The following NTM variants were observed in gnomAD, a reference collection of about 807,000 sequenced individuals.
NTM encodes IgLON family member 2.
Under a neutral mutation model 42.1 loss-of-function variants are expected in NTM, and 13 were observed. The observed-to-expected ratio is 0.31, with a 90% CI of 0.20 to 0.49. NTM has a LOEUF of 0.49. NTM is among the 20% of genes least tolerant of loss of function. The probability of loss-of-function intolerance (pLI) is 0.99; values close to 1 mark genes in which losing one functional copy is unlikely to be tolerated. For missense variants in NTM, 373 were observed against 452.8 expected (o/e 0.82, Z 1.60); for synonymous variants, 187 against 179.2 (o/e 1.04, Z -0.35).
intron 1 of NTM, among the ~76,000 whole-genome samples, chr11:131,373,140 G>A (rs1941450614): frequency 6.6e-6 from 1 of 152,160 alleles, no homozygotes; most frequent in African/African-American, 2.4e-5. Context: ...AGTCAGATGT[G>A]GCAAAGGTGA....
At chr11:131,658,029 G>A (rs2067426402) in intron 1 of NTM, among the ~76,000 whole-genome samples, 1 of 152,152 alleles carries the variant, frequency 6.6e-6, no homozygotes, top group Non-Finnish European at 1.5e-5. Context: ...TTGTAGATAA[G>A]GTTTGCAAAG....
chr11:131,436,130 A>T (rs1243322342), intron 1 of NTM, among the ~76,000 whole-genome samples: 1 of 152,196 alleles, frequency 6.6e-6, no homozygotes, highest in Non-Finnish European at 1.5e-5. Flanking sequence ...CATCCCAGGG[A>T]TGAAGCTGAA....
At chr11:132,215,169 G>A (rs139976293) in intron 4 of NTM, among the ~76,000 whole-genome samples, 5 of 152,238 alleles carry the variant, frequency 3.3e-5, no homozygotes, top group Non-Finnish European at 5.9e-5. Flanking sequence ...TCCAAAGAAA[G>A]AGCGCTGTTG....
At chr11:131,646,915 C>T (rs1030879810) in intron 1 of NTM, among the ~76,000 whole-genome samples, 26 of 152,330 alleles carry the variant, frequency 1.7e-4, no homozygotes, top group African/African-American at 6.3e-4. Flanking sequence ...GCCACATTCA[C>T]ACTATAAAGT....
At chr11:132,128,474 T>A (rs2066235017) in intron 2 of NTM, among the ~76,000 whole-genome samples, 1 of 152,098 alleles carries the variant, frequency 6.6e-6, no homozygotes, top group South Asian at 2.1e-4. Context: ...CATCCTCAGA[T>A]CTTTGTGGAC....
rs552537115 is a variant in NTM at position 132,115,340 on chromosome 11, C to T, written c.168-30942C>T. 7.9e-5 allele frequency among the ~76,000 whole-genome samples: 12 copies of T among 152,060 alleles called. No individual in the cohort carries two copies. In the East Asian group the frequency reaches 1.2e-3, roughly 15 times the overall value. On this transcript the variant is annotated intron_variant, in intron 2 of 8. Coordinates refer to ENST00000683400, the MANE Select transcript of NTM (RefSeq NM_001352005.2). ...AAAGAAAAAGAAAATGGTGAGGAGG[C>T]GAGGTGATAGACATGTTAATTAGCC...
chr11:131,548,773 G>C (rs191605204), intron 1 of NTM, among the ~76,000 whole-genome samples: 1 of 152,084 alleles, frequency 6.6e-6, no homozygotes, highest in South Asian at 2.1e-4. Flanking sequence ...CAGTTAGCAC[G>C]TACATGGAAT....
chr11:131,667,472 G>C (rs748414804), intron 1 of NTM, among the ~76,000 whole-genome samples: 5 of 152,160 alleles, frequency 3.3e-5, no homozygotes, highest in Non-Finnish European at 7.3e-5. Flanking sequence ...TGCTTTGTAT[G>C]TAAGCATTCA....
chr11:132,147,866 A>G (rs1167581007), intron 3 of NTM, among the ~76,000 whole-genome samples: 1 of 152,162 alleles, frequency 6.6e-6, no homozygotes, highest in Non-Finnish European at 1.5e-5. Flanking sequence ...GAGAAGGAAG[A>G]ACTGAAGTGA....
At chr11:132,118,456 C>A (rs1038968203) in intron 2 of NTM, among the ~76,000 whole-genome samples, 1 of 152,194 alleles carries the variant, frequency 6.6e-6, no homozygotes, top group Non-Finnish European at 1.5e-5. Context: ...CTTGACTTTG[C>A]AAGGAAGATA....
rs1443279848 is a variant in NTM at position 131,763,707 on chromosome 11, C to CTTTTTTTTT, written c.83-147856_83-147855insTTTTTTTTT. Among the ~76,000 whole-genome samples, 48 of 60,792 alleles carry CTTTTTTTTT rather than the reference C, an allele frequency of 7.9e-4. 1 individual carries two copies. The highest frequency in any genetic ancestry group is 2.2e-3 in the East Asian group (2 of 898). The allele number at this position is 60,792 out of a possible 152,430, so 39.9% of individuals were successfully genotyped here. On this transcript the variant is annotated intron_variant, in intron 1 of 8. Coordinates refer to ENST00000683400, the MANE Select transcript of NTM (RefSeq NM_001352005.2). ...TTCTTATCCACAGGCCCATCTCTCT[C>CTTTTTTTTT]TCTTTTTTTTTTTTTTTTTTTTTTT...
intron 2 of NTM, among the ~76,000 whole-genome samples, chr11:131,927,536 C>G (rs1482039889): frequency 2.0e-5 from 3 of 152,222 alleles, no homozygotes; most frequent in African/African-American, 7.2e-5. Flanking sequence ...CACCTAAGGC[C>G]TATGGTCACC....
At chr11:131,795,228 G>A (rs1187695268) in intron 1 of NTM, 8 of 385,090 alleles carry the variant, frequency 2.1e-5, no homozygotes, top group Non-Finnish European at 2.8e-5. Context: ...CAGCTCTCTC[G>A]TATCTCTTCT....
At chr11:131,699,895 T>C (rs565335708) in intron 1 of NTM, among the ~76,000 whole-genome samples, 1 of 149,790 alleles carries the variant, frequency 6.7e-6, no homozygotes, top group Admixed American at 6.7e-5. Flanking sequence ...ACCATATCAC[T>C]AGCCAAAGCA....
chr11:131,452,841 G>A (rs74530261), intron 1 of NTM, among the ~76,000 whole-genome samples: 4,752 of 152,302 alleles, frequency 0.031, 100 homozygotes, highest in Non-Finnish European at 0.045. Context: ...TCGCTCAGAT[G>A]ACTGAGGCTG....
At chr11:131,844,096 T>C (rs1381887869) in intron 1 of NTM, among the ~76,000 whole-genome samples, 2 of 152,148 alleles carry the variant, frequency 1.3e-5, no homozygotes, top group African/African-American at 4.8e-5. Flanking sequence ...GCATAAAAAA[T>C]AATTTCCTAC....
intron 4 of NTM, among the ~76,000 whole-genome samples, chr11:132,256,896 G>A (rs2092526061): frequency 6.6e-6 from 1 of 152,150 alleles, no homozygotes; most frequent in South Asian, 2.1e-4. Context: ...TGTTTGTCTG[G>A]CTGCATTTCT....
At chr11:131,676,902 A>G (rs2071518407) in intron 1 of NTM, among the ~76,000 whole-genome samples, 2 of 152,172 alleles carry the variant, frequency 1.3e-5, no homozygotes, top group Admixed American at 6.5e-5. Context: ...TCGCCTCACG[A>G]CGGACCTGTC....
chr11:132,244,613 A>G (rs1220108517), intron 4 of NTM, among the ~76,000 whole-genome samples: 1 of 152,188 alleles, frequency 6.6e-6, no homozygotes, highest in Non-Finnish European at 1.5e-5. Flanking sequence ...TCAGGTGAGA[A>G]CCTTCTCTTT....
Sources: gnomAD v4.1 joint callset for allele counts (sites outside exome capture counted in the v4.1 genomes callset) on GRCh38, gnomAD v4.1.1 for gene constraint, MANE v1.5 for transcripts, NCBI Gene and HGNC (gene_info 2026-07-23, HGNC 2026-07-21) for gene names.